Variants in MFSD1 observed in about 807,000 individuals in gnomAD.
The protein encoded by MFSD1 is lysosomal dipeptide transporter MFSD1.
Under a neutral mutation model 67.1 loss-of-function variants are expected in MFSD1, and 59 were observed. The observed-to-expected ratio is 0.88, with a 90% CI of 0.71 to 1.09. The LOEUF is 1.09. Ranked by LOEUF, MFSD1 falls within the 50% of genes least tolerant of loss-of-function variation. The probability of loss-of-function intolerance (pLI) is 0.00; values close to 1 mark genes in which losing one functional copy is unlikely to be tolerated. For missense variants in MFSD1, 552 were observed against 566.1 expected (o/e 0.97, Z 0.25); for synonymous variants, 213 against 200.3 (o/e 1.06, Z -0.54).
chr3:158,809,938 C>G (rs1335955721), intron 6 of MFSD1, among the ~76,000 whole-genome samples: 1 of 152,206 alleles, frequency 6.6e-6, no homozygotes, highest in Non-Finnish European at 1.5e-5. Context: ...TTAGCCAGTA[C>G]TCCTGTTGGC....
In MFSD1 at chr3:158,824,228, G is replaced by C. The variant is rs778168786; in HGVS notation, c.1280G>C (p.Cys427Ser). ...YLFLEVFFIACVSLSLLSVVL... is the reference protein window; with the variant it reads ...YLFLEVFFIASVSLSLLSVVL... ...TTTTTGGAAGTGTTCTTCATTGCCT[G>C]TGTTTCTTGTGAGTATTCCGTATGA... Residue 427 changes from cysteine to serine, a missense_variant, in exon 13 of 16, where the codon TGT (cysteine) becomes TCT (serine). Coordinates refer to ENST00000415822, the MANE Select transcript of MFSD1 (RefSeq NM_022736.4). 1.9e-6 allele frequency: 3 copies of C among 1,599,384 alleles called. No homozygotes were observed. Among genetic ancestry groups the C allele is most frequent in the Admixed American group, 3.4e-5 (2 of 58,772 alleles).
intron 7 of MFSD1, among the ~76,000 whole-genome samples, chr3:158,817,745 A>G (rs1730449378): frequency 6.6e-6 from 1 of 152,206 alleles, no homozygotes; most frequent in African/African-American, 2.4e-5. Context: ...ATTGGAAAAA[A>G]CTACTTTAAA....
chr3:158,803,609 C>G lies in MFSD1; in HGVS notation c.164-710C>G, dbSNP rs538582394. 1.3e-4 allele frequency among the ~76,000 whole-genome samples: 20 copies of G among 152,284 alleles called. No individual in the cohort carries two copies. The East Asian group carries it at 3.7e-3, about 28-fold the overall frequency. ...ATGACAGTTTTTATTGTCATTAGAACCAATAGCCTCGTGCACTTGTAGAGT... is the reference window on the plus strand; with the variant it reads ...ATGACAGTTTTTATTGTCATTAGAAGCAATAGCCTCGTGCACTTGTAGAGT... On this transcript the variant is annotated intron_variant, in intron 1 of 15. Transcript: ENST00000415822.
chr3:158,815,326 C>T (rs1038940922), intron 7 of MFSD1, among the ~76,000 whole-genome samples: 8 of 141,510 alleles, frequency 5.7e-5, no homozygotes, highest in African/African-American at 1.6e-4. Context: ...AGTTAACCTT[C>T]TGTGTCTCAG....
intron 1 of MFSD1, chr3:158,802,542 G>C (rs1196775517): frequency 7.1e-6 from 5 of 708,118 alleles, no homozygotes; most frequent in Non-Finnish European, 1.3e-5. Flanking sequence ...AGCTGGGCGA[G>C]TTTTGTGGCA....
intron 6 of MFSD1, among the ~76,000 whole-genome samples, chr3:158,811,055 C>T (rs5029093): frequency 0.01 from 1,534 of 152,248 alleles, 22 homozygotes; most frequent in African/African-American, 0.035. Context: ...TTTAAGTTAG[C>T]TATAATTCAT....
chr3:158,814,730 A>G (rs1170739337), intron 7 of MFSD1, among the ~76,000 whole-genome samples: 1 of 152,224 alleles, frequency 6.6e-6, no homozygotes, highest in African/African-American at 2.4e-5. Context: ...CAAAGAGATT[A>G]TATGTGTAAA....
chr3:158,811,569 C>T (rs562889464), intron 6 of MFSD1, among the ~76,000 whole-genome samples: 29 of 152,178 alleles, frequency 1.9e-4, no homozygotes, highest in Admixed American at 5.9e-4. Context: ...TTGAGAAGAT[C>T]GAGATGGAAC....
chr3:158,806,824 C>A (rs1310574627), intron 3 of MFSD1, among the ~76,000 whole-genome samples: 1 of 152,054 alleles, frequency 6.6e-6, no homozygotes, highest in East Asian at 1.9e-4. Context: ...GAAGTCTAGA[C>A]TTCTGTAGAT....
intron 1 of MFSD1, among the ~76,000 whole-genome samples, chr3:158,803,963 T>G (rs1302021950): frequency 6.6e-6 from 1 of 152,218 alleles, no homozygotes; most frequent in Non-Finnish European, 1.5e-5. Flanking sequence ...GTAAAGTTTT[T>G]AGTGTATGTG....
intron 12 of MFSD1, 59 bp downstream of exon 12, chr3:158,823,584 A>T (rs903099903): frequency 2.5e-6 from 3 of 1,212,344 alleles, no homozygotes; most frequent in African/African-American, 1.5e-5. Context: ...TTTAATTATC[A>T]TATAAAACTC....
At chr3:158,811,618 G>T (rs545685537) in intron 6 of MFSD1, among the ~76,000 whole-genome samples, 1 of 152,304 alleles carries the variant, frequency 6.6e-6, no homozygotes, top group African/African-American at 2.4e-5. Context: ...GAAAGGCAAG[G>T]GGGAAACTAT....
chr3:158,818,519 C>A lies in MFSD1; in HGVS notation c.653-1130C>A, dbSNP rs148144954. ...CCTGTCTTCCTTTCTCCAATCTCCT[C>A]CCCAGTCTCTAATTAAACCACTGAT... On this transcript the variant is annotated intron_variant, in intron 7 of 15. Coordinates refer to ENST00000415822, the MANE Select transcript of MFSD1 (RefSeq NM_022736.4). 5.1e-3 allele frequency among the ~76,000 whole-genome samples: 772 copies of A among 152,250 alleles called. 9 individuals are homozygous for A. Among genetic ancestry groups the A allele is most frequent in the African/African-American group, 0.018 (748 of 41,532 alleles).
chr3:158,804,683 A>T (rs1346965220), intron 2 of MFSD1, among the ~76,000 whole-genome samples: 1 of 152,210 alleles, frequency 6.6e-6, no homozygotes. Flanking sequence ...GTGCTTAGTC[A>T]CCCGAATGAC....
chr3:158,827,387 A>C, intron 15 of MFSD1, 50 bp downstream of exon 15: 1 of 1,015,794 alleles, frequency 9.8e-7, no homozygotes, highest in Non-Finnish European at 1.4e-6. Flanking sequence ...AATCTTAAAT[A>C]TGAGCATTTC....
intron 15 of MFSD1, among the ~76,000 whole-genome samples, chr3:158,827,976 G>GACAGAC (rs1371636474): frequency 3.0e-4 from 24 of 78,840 alleles, no homozygotes; most frequent in East Asian, 8.5e-4. Context: ...GAGAGAGAGA[G>GACAGAC]AGACAGAGAT....
chr3:158,815,982 C>G (rs1730312987), intron 7 of MFSD1, among the ~76,000 whole-genome samples: 2 of 152,046 alleles, frequency 1.3e-5, no homozygotes, highest in Admixed American at 1.3e-4. Flanking sequence ...AGGACATGAA[C>G]TCATCATTTT....
chr3:158,827,964 G>C (rs1192842398), intron 15 of MFSD1, among the ~76,000 whole-genome samples: 15 of 106,814 alleles, frequency 1.4e-4, no homozygotes, highest in African/African-American at 4.5e-4. Context: ...GAGAGAGAGA[G>C]AGAGAGAGAG....
intron 14 of MFSD1, among the ~76,000 whole-genome samples, chr3:158,826,569 TGC>T (rs1730973416): frequency 6.6e-6 from 1 of 151,926 alleles, no homozygotes; most frequent in African/African-American, 2.4e-5. Flanking sequence ...TCTAACTGCT[TGC>T]TCCTAAAGAG....
Sources: allele counts gnomAD v4.1 joint callset (sites outside exome capture counted in the v4.1 genomes callset), GRCh38; gene constraint gnomAD v4.1.1; transcripts MANE v1.5; gene names NCBI Gene and HGNC (gene_info 2026-07-23, HGNC 2026-07-21).